ADAM22: variants seen among roughly 807,000 people sequenced by gnomAD.
ADAM22 encodes ADAM metallopeptidase domain 22.
A neutral mutation model predicts 144.6 loss-of-function variants in ADAM22; 65 were observed. The ratio of observed to expected loss-of-function variants is 0.45; its 90% CI spans 0.37 to 0.55. The LOEUF is 0.55. Among genes scored for constraint, ADAM22 ranks in the 20% least tolerant of loss-of-function variants. ADAM22 has a pLI of 0.00. For synonymous variants in ADAM22, 391 were observed against 412.6 expected (o/e 0.95, Z 0.63); for missense variants, 974 against 1,184.9 (o/e 0.82, Z 2.61).
chr7:88,101,387 A>C (rs1822879414), intron 4 of ADAM22, among the ~76,000 whole-genome samples: 1 of 152,110 alleles, frequency 6.6e-6, no homozygotes, highest in African/African-American at 2.4e-5. Context: ...CAAGAGTTGC[A>C]GGGGCGGGTG....
intron 2 of ADAM22, among the ~76,000 whole-genome samples, chr7:87,977,517 A>G (rs868005792): frequency 6.6e-6 from 1 of 152,228 alleles, no homozygotes; most frequent in South Asian, 2.1e-4. Flanking sequence ...ATAAACACGA[A>G]AAATTCCAAT....
intron 4 of ADAM22, among the ~76,000 whole-genome samples, chr7:88,094,395 G>A (rs1262227259): frequency 6.6e-6 from 1 of 152,212 alleles, no homozygotes; most frequent in Non-Finnish European, 1.5e-5. Context: ...AAGGCCAGAG[G>A]CCTTGATGCA....
At chr7:88,058,524 A>G (rs1808890620) in intron 3 of ADAM22, among the ~76,000 whole-genome samples, 3 of 152,222 alleles carry the variant, frequency 2.0e-5, no homozygotes, top group East Asian at 1.9e-4. Context: ...TAGAAGTTAT[A>G]CTTACCTTCA....
chr7:88,045,799 G>A (rs1032011601), intron 3 of ADAM22, among the ~76,000 whole-genome samples: 2 of 151,686 alleles, frequency 1.3e-5, no homozygotes, highest in Admixed American at 6.6e-5. Flanking sequence ...TTCTGTGCCT[G>A]GCTTATTTCA....
At chr7:87,968,465 G>C (rs1849662258) in intron 2 of ADAM22, among the ~76,000 whole-genome samples, 1 of 152,260 alleles carries the variant, frequency 6.6e-6, no homozygotes, top group African/African-American at 2.4e-5. Context: ...TTGAGCCCAG[G>C]AGTTTGAGGC....
chr7:88,171,305 A>G (rs1586461226), intron 25 of ADAM22, among the ~76,000 whole-genome samples: 1 of 151,916 alleles, frequency 6.6e-6, no homozygotes, highest in African/African-American at 2.4e-5. Context: ...CAGCATATTT[A>G]TGTTTTTAAA....
chr7:87,943,353 G>T (rs939815187), intron 2 of ADAM22, among the ~76,000 whole-genome samples: 1 of 151,758 alleles, frequency 6.6e-6, no homozygotes, highest in Non-Finnish European at 1.5e-5. Flanking sequence ...TTCTCAAAAT[G>T]TTAGACATCA....
intron 3 of ADAM22, among the ~76,000 whole-genome samples, chr7:87,983,897 A>T (rs1204617315): frequency 6.6e-6 from 1 of 152,026 alleles, no homozygotes; most frequent in Non-Finnish European, 1.5e-5. Flanking sequence ...CAGCTTTCCC[A>T]TTGGTGACAC....
intron 3 of ADAM22, among the ~76,000 whole-genome samples, chr7:88,062,311 C>T (rs528050520): frequency 2.4e-4 from 37 of 152,304 alleles, no homozygotes; most frequent in African/African-American, 7.0e-4. Context: ...ATTGTGGCAG[C>T]TTCTCCATCA....
At chr7:88,004,833 T>G (rs368657503) in intron 3 of ADAM22, among the ~76,000 whole-genome samples, 1 of 152,192 alleles carries the variant, frequency 6.6e-6, no homozygotes. Flanking sequence ...CCTCTCAGAT[T>G]AATGATTTTG....
chr7:88,057,626 G>A (rs913141626), intron 3 of ADAM22, among the ~76,000 whole-genome samples: 1 of 152,122 alleles, frequency 6.6e-6, no homozygotes, highest in Non-Finnish European at 1.5e-5. Flanking sequence ...TAGCATTCTG[G>A]TATTGTGAAA....
chr7:88,168,506 G>A (rs1215133360), intron 25 of ADAM22: 1 of 443,896 alleles, frequency 2.3e-6, no homozygotes, highest in African/African-American at 2.0e-5. Context: ...GTAAAAACTG[G>A]TAAGTTGTAA....
chr7:87,959,569 A>G (rs1032985299), intron 2 of ADAM22, among the ~76,000 whole-genome samples: 1 of 152,216 alleles, frequency 6.6e-6, no homozygotes, highest in Non-Finnish European at 1.5e-5. Flanking sequence ...TTCCAAAAAC[A>G]TAGCTACCAG....
chr7:88,104,939 G>C (rs567306341), intron 4 of ADAM22, among the ~76,000 whole-genome samples: 1 of 151,818 alleles, frequency 6.6e-6, no homozygotes, highest in African/African-American at 2.4e-5. Context: ...GCTATTTTTG[G>C]CTTGACTCCT....
At chr7:88,140,134 G>A (rs561836582) in intron 14 of ADAM22, among the ~76,000 whole-genome samples, 1 of 152,226 alleles carries the variant, frequency 6.6e-6, no homozygotes, top group Non-Finnish European at 1.5e-5. Flanking sequence ...CGAATCTCGT[G>A]TAAACTTATT....
chr7:88,013,884 T>C (rs1307161204), intron 3 of ADAM22, among the ~76,000 whole-genome samples: 1 of 152,208 alleles, frequency 6.6e-6, no homozygotes, highest in Non-Finnish European at 1.5e-5. Flanking sequence ...TTTACCCAAA[T>C]GACGTGAATT....
intron 2 of ADAM22, among the ~76,000 whole-genome samples, chr7:87,963,265 A>G (rs1562866026): frequency 6.6e-6 from 1 of 152,184 alleles, no homozygotes; most frequent in South Asian, 2.1e-4. Flanking sequence ...AGTTTCAGTC[A>G]TGAGTCTTTG....
chr7:88,048,066 G>T (rs1412587245), intron 3 of ADAM22, among the ~76,000 whole-genome samples: 4 of 152,038 alleles, frequency 2.6e-5, no homozygotes, highest in Non-Finnish European at 5.9e-5. Flanking sequence ...CCTGTTGCTA[G>T]ACTTCCACAA....
At chr7:88,098,233 T>G (rs1461780281) in intron 4 of ADAM22, among the ~76,000 whole-genome samples, 7 of 152,148 alleles carry the variant, frequency 4.6e-5, no homozygotes, top group Admixed American at 4.6e-4. Context: ...TATTTTAAAA[T>G]AAAGAGATAG....
Sources: gnomAD v4.1 joint callset for allele counts (sites outside exome capture counted in the v4.1 genomes callset) on GRCh38, gnomAD v4.1.1 for gene constraint, MANE v1.5 for transcripts, NCBI Gene and HGNC (gene_info 2026-07-23, HGNC 2026-07-21) for gene names.